The following TUBGCP4 variants were observed in gnomAD, a reference collection of about 807,000 sequenced individuals.
The protein encoded by TUBGCP4 is tubulin gamma complex component 4.
In TUBGCP4, 54 loss-of-function variants were observed where a neutral mutation model predicts 91.6. The ratio of observed to expected loss-of-function variants is 0.59; its 90% CI spans 0.47 to 0.74. The LOEUF (loss-of-function observed/expected upper bound fraction) is 0.74. Ranked by LOEUF, TUBGCP4 falls within the 30% of genes least tolerant of loss-of-function variation. The pLI is 0.00. For synonymous variants in TUBGCP4, 297 were observed against 302.8 expected, an observed-to-expected ratio of 0.98 and a Z score of 0.20; for missense variants, 593 against 800.9, an observed-to-expected ratio of 0.74 and a Z score of 3.13.
chr15:43,396,712 C>G (rs540798301), intron 11 of TUBGCP4, among the ~76,000 whole-genome samples: 2 of 152,274 alleles, frequency 1.3e-5, no homozygotes, highest in Non-Finnish European at 2.9e-5. Flanking sequence ...GACTTGGTCT[C>G]TTTCCATCTT....
In TUBGCP4 at chr15:43,408,174, A is replaced by C; in HGVS notation, c.*2960A>C. ...TGCAAAGGGACTCATGTACATCTGA[A>C]TGCTTTCAAAAATAAATGCCCCATC... On this transcript the variant is annotated 3_prime_UTR_variant, in exon 18 of 18. Coordinates refer to ENST00000564079, the MANE Select transcript of TUBGCP4 (RefSeq NM_014444.5). 7.4e-7 allele frequency: 1 copy of C among 1,350,042 alleles called. No homozygotes were observed. Among genetic ancestry groups the C allele is most frequent in the Non-Finnish European group, 1.0e-6 (1 of 980,484 alleles). 83.6% of individuals were successfully genotyped at this position (1,350,042 alleles called of 1,614,324 possible).
chr15:43,371,615 G>T (rs1045759486), intron 1 of TUBGCP4, among the ~76,000 whole-genome samples, 183 bp downstream of exon 1: 2 of 152,136 alleles, frequency 1.3e-5, no homozygotes, highest in Non-Finnish European at 2.9e-5. Context: ...AGAGAGGCCG[G>T]GCCTAGGCTA....
chr15:43,371,548 A>G (rs2044122276), intron 1 of TUBGCP4, 116 bp downstream of exon 1: 3 of 1,023,522 alleles, frequency 2.9e-6, no homozygotes, highest in Middle Eastern at 2.8e-4. Flanking sequence ...CTGGGGGCGT[A>G]TCCCTGGACA....
chr15:43,399,861 G>A (rs1229772665), intron 13 of TUBGCP4, among the ~76,000 whole-genome samples, 183 bp from the exon 14 acceptor site: 6 of 152,068 alleles, frequency 3.9e-5, no homozygotes, highest in East Asian at 3.9e-4. Flanking sequence ...GAGTTCATTC[G>A]ACTGCTATAT....
chr15:43,380,148 GAAGTGCACTGGAA>G lies in TUBGCP4; in HGVS notation c.511_521+2del, dbSNP rs767467820. 6.2e-7 allele frequency: 1 copy of G among 1,613,980 alleles called. No individual in the cohort carries two copies. The highest frequency in any genetic ancestry group is 1.7e-5 in the Admixed American group (1 of 60,002). On this transcript the variant is annotated frameshift_variant and splice_region_variant, in exon 6 of 18. Transcript: ENST00000564079. LOFTEE classifies it high-confidence loss of function. ...AGCTGTGGGGGGTTGCCTCCTGTTC[GAAGTGCACTGGAA>G]AAGTAAGTCATGGCTTAACTGGGAA...
chr15:43,387,653 G>A (rs2044398876), intron 9 of TUBGCP4, among the ~76,000 whole-genome samples: 1 of 151,858 alleles, frequency 6.6e-6, no homozygotes, highest in Admixed American at 6.6e-5. Flanking sequence ...GTAGAGATGG[G>A]GTTTCACCAT....
chr15:43,407,678 G>T lies in TUBGCP4; in HGVS notation c.*2464G>T. On this transcript the variant is annotated 3_prime_UTR_variant, in exon 18 of 18. Coordinates refer to ENST00000564079, the MANE Select transcript of TUBGCP4 (RefSeq NM_014444.5). ...TACATCCCACTCTGCACAAACCAAA[G>T]CCCTATTATGTCAAACACACTGCTA... 1 of 1,090,132 alleles carries T rather than the reference G, an allele frequency of 9.2e-7. No homozygotes were observed. Among genetic ancestry groups the T allele is most frequent in the Non-Finnish European group, 1.3e-6 (1 of 766,014 alleles). The allele number at this position is 1,090,132 out of a possible 1,614,324, so 67.5% of individuals were successfully genotyped here. A position where few individuals can be genotyped will look rare whatever the true frequency, so the allele number is the denominator to read the frequency against.
chr15:43,379,843 G>T (rs1022658869), intron 5 of TUBGCP4, among the ~76,000 whole-genome samples: 1 of 152,138 alleles, frequency 6.6e-6, no homozygotes, highest in African/African-American at 2.4e-5. Context: ...TCACCTGGAG[G>T]GCTTGTGGAA....
chr15:43,373,445 A>C (rs1424137272), intron 1 of TUBGCP4, among the ~76,000 whole-genome samples: 1 of 152,242 alleles, frequency 6.6e-6, no homozygotes, highest in Non-Finnish European at 1.5e-5. Context: ...AAAATTGCTT[A>C]TGTGTATTGA....
In TUBGCP4 at chr15:43,409,250, C is replaced by T; in HGVS notation, c.*4036C>T. 1 of 666,290 alleles carries T rather than the reference C, an allele frequency of 1.5e-6. No individual in the cohort carries two copies. The highest frequency in any genetic ancestry group is 2.6e-6 in the Non-Finnish European group (1 of 387,606). The allele number at this position is 666,290 out of a possible 1,614,324, so 41.3% of individuals were successfully genotyped here. A position where few individuals can be genotyped will look rare whatever the true frequency, so the allele number is the denominator to read the frequency against. On this transcript the variant is annotated 3_prime_UTR_variant, in exon 18 of 18. Transcript: ENST00000564079. ...ATCCTGCCCAAGGCCACTCTTCTCACTGGAAGGCCCAAGTAATTTCCATAG... is the reference window on the plus strand; with the variant it reads ...ATCCTGCCCAAGGCCACTCTTCTCATTGGAAGGCCCAAGTAATTTCCATAG...
chr15:43,371,286 C>T lies in TUBGCP4; in HGVS notation c.-69C>T. On this transcript the variant is annotated 5_prime_UTR_variant, in exon 1 of 18. Transcript: ENST00000564079. The stretch of plus-strand genomic sequence containing the variant: ...CGCGTGTGGAAGGGGAAGCACTCCC[C>T]TCGTGGTCGCCTGGAGGTGCGCTGG... 4 of 1,522,060 alleles carry T rather than the reference C, an allele frequency of 2.6e-6. No homozygotes were observed. The highest frequency in any genetic ancestry group is 2.3e-5 in the South Asian group (2 of 85,404). 94.3% of individuals were successfully genotyped at this position (1,522,060 alleles called of 1,614,324 possible).
intron 2 of TUBGCP4, 25 bp downstream of exon 2, chr15:43,376,251 A>G (rs1566889206): frequency 3.1e-6 from 5 of 1,612,912 alleles, no homozygotes; most frequent in Non-Finnish European, 4.2e-6. Context: ...CTGTGGGTGT[A>G]CACCTCTAGA....
At position 43,407,590 on chromosome 15, in the gene TUBGCP4, G is replaced by A. The variant is rs779907052; in HGVS notation, c.*2376G>A. 2.5e-6 allele frequency: 4 copies of A among 1,598,348 alleles called. No homozygotes were observed. Among genetic ancestry groups the A allele is most frequent in the East Asian group, 4.5e-5 (2 of 44,566 alleles). ...CAATATCTGCAAGGAGCAAGGGAAA[G>A]TGAAGAAGGAAAGGACACTCAACTT... On this transcript the variant is annotated 3_prime_UTR_variant, in exon 18 of 18. Transcript: ENST00000564079.
intron 16 of TUBGCP4, 46 bp downstream of exon 16, chr15:43,403,845 G>A: frequency 6.9e-7 from 1 of 1,439,982 alleles, no homozygotes; most frequent in Non-Finnish European, 9.8e-7. Flanking sequence ...GGACAGAGGT[G>A]GTTTTGCCAA....
intron 1 of TUBGCP4, 119 bp from the exon 2 acceptor site, chr15:43,375,979 C>A: frequency 6.9e-7 from 1 of 1,442,902 alleles, no homozygotes. Context: ...CAGAACTTAA[C>A]ACCTTTAAGT....
At position 43,409,543 on chromosome 15, in the gene TUBGCP4, G is replaced by T; in HGVS notation, c.*4329G>T. 1.8e-6 allele frequency: 1 copy of T among 566,326 alleles called. No homozygotes were observed. The highest frequency in any genetic ancestry group is 3.0e-6 in the Non-Finnish European group (1 of 333,086). The allele number at this position is 566,326 out of a possible 1,614,324, so 35.1% of individuals were successfully genotyped here. A position where few individuals can be genotyped will look rare whatever the true frequency, so the allele number is the denominator to read the frequency against. Reference sequence around the variant, plus strand: ...AGTTTCTCAGTTCCTGAAATCTCTGGCTACTTTATCCAGGTTCCCCAACCC... The same window carrying T: ...AGTTTCTCAGTTCCTGAAATCTCTGTCTACTTTATCCAGGTTCCCCAACCC... On this transcript the variant is annotated 3_prime_UTR_variant, in exon 18 of 18. Coordinates refer to ENST00000564079, the MANE Select transcript of TUBGCP4 (RefSeq NM_014444.5).
In TUBGCP4 at chr15:43,386,357, ATATATATATATATATATATATT is replaced by A; in HGVS notation, c.1014+29_1014+50del. ...TTTGTGTTTCATCGTATATATATAT[ATATATATATATATATATATATT>A]TTTTTTTTTTTTTTTTTTTTTCTTA... On this transcript the variant is annotated intron_variant, in intron 9 of 17. Transcript: ENST00000564079. 5.1e-5 allele frequency: 3 copies of A among 58,346 alleles called. 1 individual carries two copies. Among genetic ancestry groups the A allele is most frequent in the East Asian group, 6.2e-4 (2 of 3,250 alleles). 3.6% of individuals were successfully genotyped at this position (58,346 alleles called of 1,614,324 possible). A position where few individuals can be genotyped will look rare whatever the true frequency, so the allele number is the denominator to read the frequency against.
intron 9 of TUBGCP4, 54 bp from the exon 10 acceptor site, chr15:43,395,053 C>G: frequency 1.3e-6 from 2 of 1,580,046 alleles, no homozygotes; most frequent in Non-Finnish European, 1.7e-6. Context: ...CCATTCTTTG[C>G]AGGAGTTCTC....
Position 43,408,071 on chromosome 15 carries a change from G to GGAT in TUBGCP4, c.*2858_*2860dup, listed in dbSNP as rs1566911167. 6.2e-7 allele frequency: 1 copy of GGAT among 1,613,968 alleles called. No individual in the cohort carries two copies. Among genetic ancestry groups the GGAT allele is most frequent in the Non-Finnish European group, 8.5e-7 (1 of 1,179,936 alleles). On this transcript the variant is annotated 3_prime_UTR_variant, in exon 18 of 18. Transcript: ENST00000564079. ...CAAGAGTACCTTCAGATTCTGGAAA[G>GGAT]GATTTTCACGGGGTTGCCTATGAAG...
Sources: allele counts gnomAD v4.1 joint callset (sites outside exome capture counted in the v4.1 genomes callset), GRCh38; gene constraint gnomAD v4.1.1; transcripts MANE v1.5; gene names NCBI Gene and HGNC (gene_info 2026-07-23, HGNC 2026-07-21).